The following TRPC7 variants were observed in gnomAD, a reference collection of about 807,000 sequenced individuals.
The protein encoded by TRPC7 is transient receptor potential cation channel subfamily C member 7.
A neutral mutation model predicts 90.1 loss-of-function variants in TRPC7; 42 were observed. That is an observed-to-expected ratio of 0.47 (90% CI 0.36 to 0.60). TRPC7 has a LOEUF of 0.60. Among genes scored for constraint, TRPC7 ranks in the 20% least tolerant of loss-of-function variants. The pLI is 0.00. For missense variants in TRPC7, 955 were observed against 1,112.3 expected (o/e 0.86, Z 2.01); for synonymous variants, 451 against 436.3 (o/e 1.03, Z -0.42).
intron 3 of TRPC7, among the ~76,000 whole-genome samples, chr5:136,288,765 T>C (rs1284629270): frequency 2.0e-5 from 3 of 152,268 alleles, no homozygotes; most frequent in African/African-American, 2.4e-5. Context: ...TTAACAACCA[T>C]GTAAGGGACC....
intron 2 of TRPC7, among the ~76,000 whole-genome samples, chr5:136,337,288 C>T (rs1759695040): frequency 6.6e-6 from 1 of 152,190 alleles, no homozygotes; most frequent in Non-Finnish European, 1.5e-5. Context: ...GAGGAATAAA[C>T]TCTTGCTCCT....
chr5:136,335,408 T>C lies in TRPC7; in HGVS notation c.781-19629A>G, dbSNP rs79119759. 2.1e-3 allele frequency among the ~76,000 whole-genome samples: 327 copies of C among 152,202 alleles called. 2 individuals are homozygous for C. The East Asian group carries it at 0.03, about 14-fold the overall frequency. On this transcript the variant is annotated intron_variant, in intron 2 of 11. Transcript: ENST00000513104. ...GAGCTGGAAACCCTATGTTCATCTT[T>C]GTCTCTGCCAATTAGTTACCAAGAG... is the stretch of plus-strand genomic sequence containing the variant.
intron 7 of TRPC7, among the ~76,000 whole-genome samples, chr5:136,238,243 T>G (rs1274527524): frequency 6.6e-6 from 1 of 152,242 alleles, no homozygotes; most frequent in Non-Finnish European, 1.5e-5. Context: ...GCTCTTAATC[T>G]ATAACTATCT....
chr5:136,234,028 C>T (rs900084808), intron 7 of TRPC7, among the ~76,000 whole-genome samples: 1 of 152,314 alleles, frequency 6.6e-6, no homozygotes, highest in South Asian at 2.1e-4. Context: ...TTCTCCTTTA[C>T]CTGACCCCCG....
In TRPC7 at chr5:136,290,716, TG is replaced by T. The variant is rs200116311; in HGVS notation, c.964-15880del. 7.8e-3 allele frequency among the ~76,000 whole-genome samples: 1,185 copies of T among 152,306 alleles called. 6 individuals carry two copies. The highest frequency in any genetic ancestry group is 9.0e-3 in the Non-Finnish European group (610 of 68,022). ...AATGGAACCAAGTTGGAAAACACTCTGCAGGATATTATCCAGGAGAACTTCC... is the reference window on the plus strand; with the variant it reads ...AATGGAACCAAGTTGGAAAACACTCTCAGGATATTATCCAGGAGAACTTCC... On this transcript the variant is annotated intron_variant, in intron 3 of 11. Coordinates refer to ENST00000513104, the MANE Select transcript of TRPC7 (RefSeq NM_020389.3).
intron 3 of TRPC7, among the ~76,000 whole-genome samples, chr5:136,290,144 G>C (rs1165632049): frequency 6.6e-6 from 1 of 152,098 alleles, no homozygotes; most frequent in Non-Finnish European, 1.5e-5. Context: ...CCACCTGTAC[G>C]TCACCATCAT....
intron 2 of TRPC7, among the ~76,000 whole-genome samples, chr5:136,335,394 C>T (rs1759622462): frequency 6.6e-6 from 1 of 151,924 alleles, no homozygotes. Context: ...AGCTGGAAAC[C>T]CTATGTTCAT....
chr5:136,225,989 C>T, intron 9 of TRPC7, 45 bp downstream of exon 9: 1 of 1,512,988 alleles, frequency 6.6e-7, no homozygotes, highest in Non-Finnish European at 9.0e-7. Context: ...CTCGCCTGCC[C>T]CCTCCTGCTG....
At chr5:136,231,575 A>C in intron 7 of TRPC7, 26 bp from the exon 8 acceptor site, 1 of 1,560,914 alleles carries the variant, frequency 6.4e-7, no homozygotes, top group South Asian at 1.2e-5. Flanking sequence ...CGGTCCTTTT[A>C]CGCAGTTTGC....
chr5:136,339,220 A>G (rs970093112), intron 2 of TRPC7, among the ~76,000 whole-genome samples: 2 of 152,208 alleles, frequency 1.3e-5, no homozygotes, highest in Non-Finnish European at 2.9e-5. Flanking sequence ...AGCTAAGCCA[A>G]CTATGGGAGG....
intron 2 of TRPC7, among the ~76,000 whole-genome samples, chr5:136,340,390 C>T (rs1759808561): frequency 6.6e-6 from 1 of 151,836 alleles, no homozygotes. Flanking sequence ...TATTGCACAA[C>T]ATGGTAACTA....
chr5:136,218,081 A>G (rs1755330975), intron 10 of TRPC7, among the ~76,000 whole-genome samples: 1 of 146,176 alleles, frequency 6.8e-6, no homozygotes. Flanking sequence ...TTTAAGATAT[A>G]TAATATATGA....
chr5:136,354,893 T>C (rs961834175), intron 2 of TRPC7, among the ~76,000 whole-genome samples: 6 of 152,218 alleles, frequency 3.9e-5, no homozygotes, highest in Non-Finnish European at 7.3e-5. Flanking sequence ...TCTCTCTTCG[T>C]AATGACCCAA....
chr5:136,305,763 A>G (rs1758600736), intron 3 of TRPC7, among the ~76,000 whole-genome samples: 1 of 152,184 alleles, frequency 6.6e-6, no homozygotes, highest in African/African-American at 2.4e-5. Context: ...TCAGGCTCTT[A>G]GTATTCCGTG....
At chr5:136,338,074 A>T (rs536166705) in intron 2 of TRPC7, among the ~76,000 whole-genome samples, 2 of 152,294 alleles carry the variant, frequency 1.3e-5, no homozygotes, top group African/African-American at 4.8e-5. Flanking sequence ...GAGCAGCGAT[A>T]CTTAGCATTT....
rs575283627 is a variant in TRPC7, at chr5:136,227,087, G to A, written c.2041-832C>T. Among the ~76,000 whole-genome samples the A allele has an allele frequency of 2.0e-5, 3 of 152,316 alleles. No homozygotes were observed. In the South Asian group the frequency reaches 6.2e-4, roughly 32 times the overall value. On this transcript the variant is annotated intron_variant, in intron 8 of 11. Transcript: ENST00000513104. Reference sequence around the variant, plus strand: ...AATTCAAGGGGAGCAAAGCCTGAGTGTAGTTTGTAGGAGGTGATCCAGTTG... The same window carrying A: ...AATTCAAGGGGAGCAAAGCCTGAGTATAGTTTGTAGGAGGTGATCCAGTTG...
intron 3 of TRPC7, among the ~76,000 whole-genome samples, chr5:136,292,729 G>A (rs1204663433): frequency 3.3e-5 from 5 of 152,168 alleles, no homozygotes; most frequent in African/African-American, 1.2e-4. Context: ...GGAGGAGCTG[G>A]TACCATTCCT....
intron 3 of TRPC7, among the ~76,000 whole-genome samples, chr5:136,313,205 T>C (rs1206113458): frequency 6.6e-6 from 1 of 152,216 alleles, no homozygotes; most frequent in Non-Finnish European, 1.5e-5. Flanking sequence ...CAAATTTATC[T>C]GAGCACAAAA....
In TRPC7 at chr5:136,357,294, T is replaced by G. The variant is rs778114737; in HGVS notation, c.94A>C (p.Met32Leu). The G allele has an allele frequency of 1.2e-6, 2 of 1,612,096 alleles. No homozygotes were observed. Among genetic ancestry groups the G allele is most frequent in the Non-Finnish European group, 1.7e-6 (2 of 1,179,866 alleles). ...RRQAIRGPAY[M>L]FNEKGTSLTP... ...AGACTGGTGCCCTTCTCGTTGAACA[T>G]GTAGGCGGGACCCCGGATGGCCTGG... The change falls in exon 2 of 12, where the codon ATG becomes CTG. Residue 32 changes from methionine to leucine, a missense_variant. Transcript: ENST00000513104.
Sources: allele counts gnomAD v4.1 joint callset (sites outside exome capture counted in the v4.1 genomes callset), GRCh38; gene constraint gnomAD v4.1.1; transcripts MANE v1.5; gene names NCBI Gene and HGNC (gene_info 2026-07-23, HGNC 2026-07-21).